Variants in SAMD3 observed in about 807,000 individuals in gnomAD.
SAMD3 encodes sterile alpha motif domain containing 3.
SAMD3 carries 63 observed loss-of-function variants against 58.5 expected under a neutral mutation model. The ratio of observed to expected loss-of-function variants is 1.08; its 90% CI spans 0.88 to 1.33. The LOEUF (loss-of-function observed/expected upper bound fraction) is 1.33. SAMD3 is among the 40% of genes most tolerant of loss of function. The pLI, the probability that SAMD3 is intolerant of heterozygous loss-of-function variation, is 0.00. For missense variants in SAMD3, 604 were observed against 608.4 expected (o/e 0.99, Z 0.08); for synonymous variants, 220 against 210.3 (o/e 1.05, Z -0.40).
intron 2 of SAMD3, among the ~76,000 whole-genome samples, chr6:130,300,717 A>G (rs1270636331): frequency 3.9e-5 from 6 of 152,222 alleles, no homozygotes; most frequent in African/African-American, 1.4e-4. Context: ...ATGATTCTAT[A>G]CCTAGAAAAT....
chr6:130,149,391 A>G (rs2114557096), intron 9 of SAMD3, among the ~76,000 whole-genome samples: 1 of 152,380 alleles, frequency 6.6e-6, no homozygotes, highest in East Asian at 1.9e-4. Flanking sequence ...ACCCAAAGGA[A>G]TATAAAGAAA....
In SAMD3 at chr6:130,180,572, A is replaced by G. The variant is rs557112404; in HGVS notation, c.654+3531T>C. Among the ~76,000 whole-genome samples the G allele has an allele frequency of 2.5e-4, 38 of 152,316 alleles. No homozygotes were observed. The South Asian group carries it at 7.7e-3, about 31-fold the overall frequency. On this transcript the variant is annotated intron_variant, in intron 7 of 11. Transcript: ENST00000439090. ...AAAAAAATCCCTAATCTAGATCAGT[A>G]ACTCTCAGCCAGTGACGTGATGTTG...
At chr6:130,329,757 C>A (rs1457921808) in intron 1 of SAMD3, among the ~76,000 whole-genome samples, 2 of 152,116 alleles carry the variant, frequency 1.3e-5, no homozygotes, top group African/African-American at 2.4e-5. Flanking sequence ...GAGTTCATGT[C>A]CTTTGCAGGG....
chr6:130,201,891 C>T (rs1235150412), intron 5 of SAMD3, among the ~76,000 whole-genome samples: 1 of 152,206 alleles, frequency 6.6e-6, no homozygotes, highest in African/African-American at 2.4e-5. Context: ...TTCTCCCTCT[C>T]TCTGTGTTAC....
intron 2 of SAMD3, among the ~76,000 whole-genome samples, chr6:130,280,300 A>G (rs901896088): frequency 2.6e-5 from 4 of 152,124 alleles, no homozygotes; most frequent in Middle Eastern, 3.2e-3. Context: ...TTTGACATTT[A>G]ATTATTTTTT....
intron 1 of SAMD3, among the ~76,000 whole-genome samples, chr6:130,346,444 G>A (rs1048061353): frequency 5.9e-5 from 9 of 152,192 alleles, no homozygotes; most frequent in African/African-American, 2.2e-4. Flanking sequence ...TGGCTTGGAG[G>A]GTCCTATGCC....
chr6:130,351,344 A>G (rs1777656780), intron 1 of SAMD3, among the ~76,000 whole-genome samples: 1 of 152,238 alleles, frequency 6.6e-6, no homozygotes, highest in African/African-American at 2.4e-5. Flanking sequence ...AAGGGCCAAT[A>G]TCCAGAATCT....
At chr6:130,211,411 G>A (rs960867841) in intron 4 of SAMD3, among the ~76,000 whole-genome samples, 1 of 151,408 alleles carries the variant, frequency 6.6e-6, no homozygotes, top group Admixed American at 6.6e-5. Context: ...AGCCTCCTGA[G>A]TAGCTGGGAT....
chr6:130,222,100 C>T (rs1191355456), intron 1 of SAMD3, among the ~76,000 whole-genome samples: 4 of 152,124 alleles, frequency 2.6e-5, no homozygotes, highest in South Asian at 2.1e-4. Context: ...CAGGGTAACT[C>T]GCCTAAGGTT....
At chr6:130,261,465 G>C (rs1431607978) in intron 2 of SAMD3, among the ~76,000 whole-genome samples, 1 of 152,150 alleles carries the variant, frequency 6.6e-6, no homozygotes, top group Non-Finnish European at 1.5e-5. Context: ...TTTTTGACTT[G>C]ACTTGGATTG....
chr6:130,253,355 C>A (rs1304610388), intron 2 of SAMD3, among the ~76,000 whole-genome samples: 1 of 152,060 alleles, frequency 6.6e-6, no homozygotes, highest in Non-Finnish European at 1.5e-5. Context: ...TTAGTTGGAA[C>A]CAGTGGGCTA....
chr6:130,204,353 C>T (rs1192838352), intron 5 of SAMD3, among the ~76,000 whole-genome samples: 1 of 152,164 alleles, frequency 6.6e-6, no homozygotes, highest in Non-Finnish European at 1.5e-5. Flanking sequence ...CCTATTAATT[C>T]CTCCTTCCAG....
intron 2 of SAMD3, among the ~76,000 whole-genome samples, chr6:130,291,387 G>A (rs759960112): frequency 1.3e-5 from 2 of 152,200 alleles, no homozygotes; most frequent in Non-Finnish European, 2.9e-5. Flanking sequence ...TTACAGGTGT[G>A]AGCCACCATG....
chr6:130,340,182 A>G (rs1777226222), intron 1 of SAMD3, among the ~76,000 whole-genome samples: 2 of 152,234 alleles, frequency 1.3e-5, no homozygotes. Context: ...GGTTTAAGCA[A>G]TGCAAATTTG....
intron 2 of SAMD3, among the ~76,000 whole-genome samples, chr6:130,273,024 C>G (rs928714399): frequency 1.3e-5 from 2 of 151,510 alleles, no homozygotes; most frequent in African/African-American, 4.8e-5. Flanking sequence ...TTCAAGTGTG[C>G]TGTTTCTTTA....
intron 1 of SAMD3, among the ~76,000 whole-genome samples, chr6:130,346,243 A>G (rs298947): frequency 0.9 from 136,936 of 152,172 alleles, 61,717 homozygotes; most frequent in East Asian, 1. Context: ...TGGGTGCAGC[A>G]CACCGAGCAT....
At chr6:130,307,059 T>C (rs1775933142) in intron 2 of SAMD3, among the ~76,000 whole-genome samples, 1 of 152,270 alleles carries the variant, frequency 6.6e-6, no homozygotes, top group South Asian at 2.1e-4. Flanking sequence ...ATTTTTACTG[T>C]ATTTTTTGTG....
At chr6:130,251,465 A>G (rs542000134) in intron 2 of SAMD3, among the ~76,000 whole-genome samples, 17 of 151,950 alleles carry the variant, frequency 1.1e-4, no homozygotes, top group Non-Finnish European at 2.1e-4. Context: ...TAATGCAAGG[A>G]CACAAATTTT....
At chr6:130,203,080 G>T (rs1295354344) in intron 5 of SAMD3, among the ~76,000 whole-genome samples, 1 of 152,148 alleles carries the variant, frequency 6.6e-6, no homozygotes, top group Non-Finnish European at 1.5e-5. Flanking sequence ...TGCTCCTCTT[G>T]TCTGGAGCCC....
Sources: allele counts gnomAD v4.1 joint callset (sites outside exome capture counted in the v4.1 genomes callset), GRCh38; gene constraint gnomAD v4.1.1; transcripts MANE v1.5; gene names NCBI Gene and HGNC (gene_info 2026-07-23, HGNC 2026-07-21).